Variants in LRCH2 observed in about 807,000 individuals in gnomAD.
The protein encoded by LRCH2 is leucine rich repeats and calponin homology domain containing 2, also known as leucine-rich repeat and calponin homology domain-containing protein 2.
LRCH2 carries 38 observed loss-of-function variants against 68.9 expected under a neutral mutation model. That is an observed-to-expected ratio of 0.55 (90% CI 0.43 to 0.72). The LOEUF is 0.72. Among genes scored for constraint, LRCH2 ranks in the 30% least tolerant of loss-of-function variants. The pLI, the probability that LRCH2 is intolerant of heterozygous loss-of-function variation, is 0.00. For missense variants in LRCH2, 528 were observed against 572.9 expected (o/e 0.92, Z 0.80); for synonymous variants, 191 against 208.1 (o/e 0.92, Z 0.71).
chrX:115,204,111 C>T (rs1250849232), intron 1 of LRCH2, among the ~76,000 whole-genome samples: 1 of 113,128 alleles, frequency 8.8e-6, no homozygotes, highest in Non-Finnish European at 1.9e-5. Context: ...GCCACCAAAG[C>T]TTGAGGCTTG....
intron 5 of LRCH2, among the ~76,000 whole-genome samples, chrX:115,177,099 T>C (rs782266780): frequency 1.0e-5 from 1 of 95,955 alleles, no homozygotes; most frequent in Admixed American, 1.2e-4. Context: ...CTCTGCTGTC[T>C]AGGCTGTAGT....
At chrX:115,147,743 A>C (rs782521239) in intron 14 of LRCH2, among the ~76,000 whole-genome samples, 107 of 111,559 alleles carry the variant, frequency 9.6e-4, no homozygotes, top group Non-Finnish European at 1.8e-3. Flanking sequence ...AAGTCCACTC[A>C]AGTTACTGTA....
At chrX:115,176,127 G>A (rs185039733) in intron 5 of LRCH2, among the ~76,000 whole-genome samples, 34 of 112,185 alleles carry the variant, frequency 3.0e-4, no homozygotes, top group African/African-American at 9.7e-4. Context: ...TCTGTATTGA[G>A]AATTAAAATA....
intron 1 of LRCH2, among the ~76,000 whole-genome samples, chrX:115,227,129 C>G (rs1260503647): frequency 1.8e-5 from 2 of 110,222 alleles, no homozygotes; most frequent in African/African-American, 3.3e-5. Flanking sequence ...TTGTGATAAT[C>G]AAAAATGTCT....
At chrX:115,125,336 G>C (rs1401641891) in intron 16 of LRCH2, among the ~76,000 whole-genome samples, 1 of 99,690 alleles carries the variant, frequency 1.0e-5, no homozygotes, top group Non-Finnish European at 2.0e-5. Flanking sequence ...GAATGTGGGA[G>C]GTGGAGGTTG....
intron 14 of LRCH2, among the ~76,000 whole-genome samples, chrX:115,143,453 G>T (rs1349035347): frequency 9.0e-6 from 1 of 111,193 alleles, no homozygotes; most frequent in East Asian, 2.8e-4. Context: ...AATGTGAACA[G>T]GCCAATAACA....
chrX:115,158,866 A>C (rs1267068838), intron 11 of LRCH2, among the ~76,000 whole-genome samples: 1 of 111,847 alleles, frequency 8.9e-6, no homozygotes, highest in African/African-American at 3.2e-5. Flanking sequence ...ACATCTACTT[A>C]TTACGCCCCC....
chrX:115,140,324 T>C (rs188811504), intron 14 of LRCH2, among the ~76,000 whole-genome samples: 2 of 111,616 alleles, frequency 1.8e-5, no homozygotes, highest in South Asian at 3.8e-4. Context: ...CACCAGCTGA[T>C]GAAAGAGCCC....
chrX:115,138,923 T>C (rs1371675919), intron 14 of LRCH2: 1 of 112,119 alleles, frequency 8.9e-6, no homozygotes, highest in Admixed American at 9.5e-5. Context: ...TTATTACATC[T>C]AAATTCAAAT....
Position 115,179,648 on chromosome X carries a change from T to C in LRCH2, c.725A>G (p.Asp242Gly), listed in dbSNP as rs2072676833. Residue 242 changes from aspartate (D) to glycine (G), a missense_variant and splice_region_variant, in exon 4 of 21, where the codon GAT becomes GGT. By Grantham distance (94) the Asp-to-Gly change is moderately conservative. Transcript: ENST00000317135. Reference sequence around the variant, plus strand: ...AGTAAAAACAGTGAACATCTTACCATCTGGCAAAACATGAAGATTATTTCT... The same window carrying C: ...AGTAAAAACAGTGAACATCTTACCACCTGGCAAAACATGAAGATTATTTCT... ...IRRNNLHVLP[D>G]ELGDLPLVKL... 3 of 1,129,896 alleles carry C rather than the reference T, an allele frequency of 2.7e-6. No individual in the cohort carries two copies. The highest frequency in any genetic ancestry group is 3.5e-6 in the Non-Finnish European group (3 of 854,059). 93.1% of individuals were successfully genotyped at this position (1,129,896 alleles called of 1,213,427 possible). A position where few individuals can be genotyped will look rare whatever the true frequency, so the allele number is the denominator to read the frequency against.
intron 2 of LRCH2, among the ~76,000 whole-genome samples, chrX:115,186,813 C>CTT (rs35505436): frequency 2.2e-3 from 120 of 54,270 alleles, no homozygotes; most frequent in African/African-American, 2.9e-3. Context: ...TTCCCTCACA[C>CTT]TTTTTTTTTT....
intron 1 of LRCH2, chrX:115,192,143 A>G (rs1257915041): frequency 2.6e-6 from 3 of 1,165,605 alleles, no homozygotes; most frequent in Non-Finnish European, 1.1e-6. Context: ...AGCAACAGCT[A>G]TGGCCGGAGT....
intron 14 of LRCH2, among the ~76,000 whole-genome samples, chrX:115,138,378 T>C (rs2072308182): frequency 1.8e-5 from 2 of 111,891 alleles, no homozygotes; most frequent in Admixed American, 1.9e-4. Context: ...ATTCATTTCT[T>C]TCATCAGACT....
intron 16 of LRCH2, among the ~76,000 whole-genome samples, chrX:115,125,966 C>T (rs1437104376): frequency 4.6e-5 from 5 of 109,657 alleles, no homozygotes; most frequent in African/African-American, 1.7e-4. Flanking sequence ...ATGCAGATCA[C>T]CCACAACAAC....
intron 1 of LRCH2, among the ~76,000 whole-genome samples, chrX:115,203,570 C>T (rs979482849): frequency 4.4e-5 from 5 of 112,540 alleles, no homozygotes; most frequent in Admixed American, 2.8e-4. Flanking sequence ...TAAATACACA[C>T]GTTCCAAATG....
At chrX:115,195,056 G>T (rs2072877084) in intron 1 of LRCH2, among the ~76,000 whole-genome samples, 1 of 111,092 alleles carries the variant, frequency 9.0e-6, no homozygotes, top group Non-Finnish European at 1.9e-5. Context: ...AGGCCGAGGT[G>T]GGCGGATCAC....
At chrX:115,233,601 A>C (rs2073167029) in intron 1 of LRCH2, 92 bp downstream of exon 1, 11 of 933,102 alleles carry the variant, frequency 1.2e-5, no homozygotes, top group Non-Finnish European at 1.6e-5. Context: ...GCACCCGCCC[A>C]GACCCGCAGA....
In LRCH2 at chrX:115,110,992, T is replaced by C. The variant is rs953941570; in HGVS notation, c.*2224A>G. 14 of 112,065 alleles carry C rather than the reference T, an allele frequency of 1.2e-4. No individual in the cohort carries two copies. The highest frequency in any genetic ancestry group is 4.5e-4 in the African/African-American group (14 of 30,924). 9.2% of individuals were successfully genotyped at this position (112,065 alleles called of 1,213,427 possible). Reference sequence around the variant, plus strand: ...CTCAAGTAATGAAAATCATTCTTAATTCAATAACTGATGAAATAGATAATA... The same window carrying C: ...CTCAAGTAATGAAAATCATTCTTAACTCAATAACTGATGAAATAGATAATA... On this transcript the variant is annotated 3_prime_UTR_variant, in exon 21 of 21. Coordinates refer to ENST00000317135, the MANE Select transcript of LRCH2 (RefSeq NM_020871.4).
intron 14 of LRCH2, among the ~76,000 whole-genome samples, chrX:115,141,293 T>C (rs2072336589): frequency 9.0e-6 from 1 of 110,509 alleles, no homozygotes; most frequent in African/African-American, 3.3e-5. Context: ...CCTCAGGCAG[T>C]CCTGATGACC....
Sources: allele counts gnomAD v4.1 joint callset (sites outside exome capture counted in the v4.1 genomes callset), GRCh38; gene constraint gnomAD v4.1.1; transcripts MANE v1.5; gene names NCBI Gene and HGNC (gene_info 2026-07-23, HGNC 2026-07-21).